SLFN12L: variants seen among roughly 807,000 people sequenced by gnomAD.
SLFN12L encodes the protein schlafen family member 12-like.
Under a neutral mutation model 34.8 loss-of-function variants are expected in SLFN12L, and 34 were observed. The observed-to-expected ratio is 0.98, with a 90% CI of 0.74 to 1.30. SLFN12L has a LOEUF of 1.30. Ranked by LOEUF, SLFN12L falls within the 50% of genes most tolerant of loss-of-function variation. The probability of loss-of-function intolerance (pLI) is 0.00; values close to 1 mark genes in which losing one functional copy is unlikely to be tolerated. For missense variants in SLFN12L, 703 were observed against 696.2 expected, an observed-to-expected ratio of 1.01 and a Z score of -0.11; for synonymous variants, 259 against 247.5, an observed-to-expected ratio of 1.05 and a Z score of -0.44.
intron 2 of SLFN12L, among the ~76,000 whole-genome samples, chr17:35,497,845 A>AATAT (rs1915143271): frequency 6.6e-6 from 1 of 152,194 alleles, no homozygotes; most frequent in Non-Finnish European, 1.5e-5. Context: ...TTTGTTACTA[A>AATAT]ATAATACTAA....
At position 35,474,699 on chromosome 17, in the gene SLFN12L, T is replaced by TGG. The variant is rs1913885353; in HGVS notation, c.*223_*224insCC. The TGG allele has an allele frequency of 1.7e-5, 5 of 289,318 alleles. No homozygotes were observed. The highest frequency in any genetic ancestry group is 5.5e-5 in the African/African-American group (2 of 36,092). The allele number at this position is 289,318 out of a possible 1,614,324, so 17.9% of individuals were successfully genotyped here. On this transcript the variant is annotated 3_prime_UTR_variant, in exon 5 of 5. Coordinates refer to ENST00000628453, the MANE Select transcript of SLFN12L (RefSeq NM_001363830.2). ...CACTTTGGGAGACCGGGGGGGGGGG[T>TGG]TGAATCACGAGGTCAGGAGTTCAAG...
intron 1 of SLFN12L, among the ~76,000 whole-genome samples, chr17:35,531,740 C>T (rs1260737465): frequency 6.6e-6 from 1 of 152,104 alleles, no homozygotes; most frequent in Non-Finnish European, 1.5e-5. Context: ...CCTCAGCCTC[C>T]CAAGTAGCTG....
At chr17:35,494,442 C>T (rs1279635261) in intron 2 of SLFN12L, among the ~76,000 whole-genome samples, 2 of 152,252 alleles carry the variant, frequency 1.3e-5, no homozygotes, top group Non-Finnish European at 2.9e-5. Context: ...TTTAAAAAAT[C>T]ACACTCAGTG....
chr17:35,476,719 A>G (rs996014087), intron 4 of SLFN12L, among the ~76,000 whole-genome samples: 2 of 152,070 alleles, frequency 1.3e-5, no homozygotes, highest in African/African-American at 2.4e-5. Context: ...ATTAAAAGCT[A>G]CTATACCTAG....
chr17:35,493,247 G>C (rs1597850014), intron 2 of SLFN12L, among the ~76,000 whole-genome samples: 2 of 152,332 alleles, frequency 1.3e-5, no homozygotes, highest in East Asian at 3.9e-4. Context: ...TTGGGGTGGG[G>C]GAGGGAGAGG....
In SLFN12L at chr17:35,522,468, G is replaced by A; in HGVS notation, c.-104C>T. The A allele has an allele frequency of 6.2e-7, 1 of 1,613,764 alleles. No homozygotes were observed. Among genetic ancestry groups the A allele is most frequent in the Non-Finnish European group, 8.5e-7 (1 of 1,179,798 alleles). On this transcript the variant is annotated 5_prime_UTR_variant, in exon 2 of 5. Coordinates refer to ENST00000628453, the MANE Select transcript of SLFN12L (RefSeq NM_001363830.2). ...GGAGAATATCTCATACTGCTGGGCT[G>A]TGAGCAGATTTAAAACCTCATAGCT...
chr17:35,523,764 G>T (rs2072305265), intron 1 of SLFN12L, among the ~76,000 whole-genome samples: 1 of 152,048 alleles, frequency 6.6e-6, no homozygotes, highest in Non-Finnish European at 1.5e-5. Flanking sequence ...GTGAAACCCT[G>T]TTTCTACAAA....
chr17:35,491,480 G>T (rs1914835241), intron 2 of SLFN12L, among the ~76,000 whole-genome samples: 3 of 152,236 alleles, frequency 2.0e-5, no homozygotes, highest in African/African-American at 7.2e-5. Flanking sequence ...CAGGCTCCAA[G>T]ATCTCCTGGC....
chr17:35,503,792 T>A (rs1915378457), intron 2 of SLFN12L, among the ~76,000 whole-genome samples: 1 of 151,868 alleles, frequency 6.6e-6, no homozygotes, highest in African/African-American at 2.4e-5. Context: ...AGCCTGAAGA[T>A]CATGTTCTCA....
rs1597880097 is a variant in SLFN12L, at chr17:35,522,767, G to T, written c.-403C>A. 3.8e-6 allele frequency: 6 copies of T among 1,593,198 alleles called. No individual in the cohort carries two copies. Among genetic ancestry groups the T allele is most frequent in the Non-Finnish European group, 5.2e-6 (6 of 1,162,778 alleles). On this transcript the variant is annotated 5_prime_UTR_variant, in exon 2 of 5. Coordinates refer to ENST00000628453, the MANE Select transcript of SLFN12L (RefSeq NM_001363830.2). Reference sequence around the variant, plus strand: ...CAGTAGTCCTGGCCCTGCCAGGGCTGTTCTATGCTATCAGCAGAGCATCAC... The same window carrying T: ...CAGTAGTCCTGGCCCTGCCAGGGCTTTTCTATGCTATCAGCAGAGCATCAC...
At chr17:35,500,772 A>T (rs971398001) in intron 2 of SLFN12L, among the ~76,000 whole-genome samples, 3 of 151,562 alleles carry the variant, frequency 2.0e-5, no homozygotes, top group Non-Finnish European at 4.4e-5. Flanking sequence ...TGGTTATTTT[A>T]TCTATAGATT....
chr17:35,506,021 C>T (rs145563803), intron 2 of SLFN12L, among the ~76,000 whole-genome samples: 198 of 152,226 alleles, frequency 1.3e-3, no homozygotes, highest in African/African-American at 4.5e-3. Flanking sequence ...TTGTATAATG[C>T]TATTCTATAC....
At chr17:35,486,836 G>A (rs1311788793) in intron 2 of SLFN12L, among the ~76,000 whole-genome samples, 1 of 152,196 alleles carries the variant, frequency 6.6e-6, no homozygotes, top group Admixed American at 6.5e-5. Context: ...AGTTATGCCA[G>A]AACAACAGGT....
In SLFN12L at chr17:35,522,265, G is replaced by A; in HGVS notation, c.86+14C>T. The A allele has an allele frequency of 2.5e-6, 4 of 1,613,772 alleles. No individual in the cohort carries two copies. The highest frequency in any genetic ancestry group is 1.1e-5 in the South Asian group (1 of 91,050). Reference sequence around the variant, plus strand: ...ATTAAATAATACTTAGAGACATAAGGTCCAACTGCTTACCTGATGAAATTC... The same window carrying A: ...ATTAAATAATACTTAGAGACATAAGATCCAACTGCTTACCTGATGAAATTC... On this transcript the variant is annotated intron_variant, in intron 2 of 4. Coordinates refer to ENST00000628453, the MANE Select transcript of SLFN12L (RefSeq NM_001363830.2).
In SLFN12L at chr17:35,469,936, T is replaced by A. The variant is rs1328809833; in HGVS notation, c.*4987A>T. The A allele has an allele frequency of 6.6e-6, 1 of 152,220 alleles. No homozygotes were observed. Among genetic ancestry groups the A allele is most frequent in the Non-Finnish European group, 1.5e-5 (1 of 68,070 alleles). The allele number at this position is 152,220 out of a possible 1,614,324, so 9.4% of individuals were successfully genotyped here. ...AAACCCTAATAATAAAGGTTCCGAA[T>A]TAGATTTTCCCCTCACTTCTGCTCC... On this transcript the variant is annotated 3_prime_UTR_variant, in exon 5 of 5. Coordinates refer to ENST00000628453, the MANE Select transcript of SLFN12L (RefSeq NM_001363830.2).
intron 2 of SLFN12L, among the ~76,000 whole-genome samples, chr17:35,507,887 G>A (rs1915515450): frequency 6.6e-6 from 1 of 152,184 alleles, no homozygotes; most frequent in Admixed American, 6.5e-5. Flanking sequence ...ACTAATGAGT[G>A]AGATTCTCAA....
At chr17:35,510,276 C>T (rs1730523469) in intron 2 of SLFN12L, 1 of 152,198 alleles carries the variant, frequency 6.6e-6, no homozygotes, top group Non-Finnish European at 1.5e-5. Context: ...GAATTGAAAA[C>T]ATATGTGCAC....
rs546606568 is a variant in SLFN12L at position 35,493,608 on chromosome 17, C to A, written c.87-13413G>T. Among the ~76,000 whole-genome samples, 17 of 152,272 alleles carry A rather than the reference C, an allele frequency of 1.1e-4. No homozygotes were observed. In the South Asian group the frequency reaches 3.5e-3, roughly 32 times the overall value. The stretch of plus-strand genomic sequence containing the variant: ...TAACTGGTGTACATTAATTAGATGT[C>A]CATACTGTATTTTGTTTGCATCAAG... On this transcript the variant is annotated intron_variant, in intron 2 of 4. Coordinates refer to ENST00000628453, the MANE Select transcript of SLFN12L (RefSeq NM_001363830.2).
intron 2 of SLFN12L, among the ~76,000 whole-genome samples, chr17:35,496,556 C>T (rs1225753042): frequency 1.3e-5 from 2 of 151,546 alleles, no homozygotes; most frequent in Admixed American, 1.3e-4. Context: ...CTCCCCTCCC[C>T]TCATGACCTC....
Sources: gnomAD v4.1 joint callset for allele counts (sites outside exome capture counted in the v4.1 genomes callset) on GRCh38, gnomAD v4.1.1 for gene constraint, MANE v1.5 for transcripts, NCBI Gene and HGNC (gene_info 2026-07-23, HGNC 2026-07-21) for gene names.